The following COL5A1 variants were observed in gnomAD, a reference collection of about 807,000 sequenced individuals.
The protein encoded by COL5A1 is collagen alpha-1(V) chain.
Under a neutral mutation model 263.7 loss-of-function variants are expected in COL5A1, and 16 were observed. That is an observed-to-expected ratio of 0.06 (90% CI 0.04 to 0.09). The LOEUF (loss-of-function observed/expected upper bound fraction) is 0.09. Ranked by LOEUF, COL5A1 falls within the 10% of genes least tolerant of loss-of-function variation. The probability of loss-of-function intolerance (pLI) is 1.00; values close to 1 mark genes in which losing one functional copy is unlikely to be tolerated. For missense variants in COL5A1, 2,036 were observed against 2,540.5 expected, an observed-to-expected ratio of 0.80 and a Z score of 4.27; for synonymous variants, 1,012 against 1,004.5, an observed-to-expected ratio of 1.01 and a Z score of -0.14.
At chr9:134,653,786 A>C (rs1831778192) in intron 1 of COL5A1, among the ~76,000 whole-genome samples, 2 of 140,270 alleles carry the variant, frequency 1.4e-5, no homozygotes, top group Non-Finnish European at 3.1e-5. Context: ...CTGCAGGGTC[A>C]GGGGTCTCTC....
At chr9:134,721,430 T>TGGCACCCCA (rs1834452409) in intron 4 of COL5A1, among the ~76,000 whole-genome samples, 3 of 152,100 alleles carry the variant, frequency 2.0e-5, no homozygotes, top group Non-Finnish European at 4.4e-5. Flanking sequence ...ATGACTGTGT[T>TGGCACCCCA]TGGATCCCAT....
At chr9:134,830,102 T>G (rs770417840) in intron 64 of COL5A1, 58 bp downstream of exon 64, 2 of 1,613,288 alleles carry the variant, frequency 1.2e-6, no homozygotes, top group South Asian at 2.2e-5. Flanking sequence ...ATCTCGTATC[T>G]TACAGAGTAA....
At chr9:134,706,753 C>A (rs997442308) in intron 4 of COL5A1, among the ~76,000 whole-genome samples, 10 of 152,366 alleles carry the variant, frequency 6.6e-5, no homozygotes, top group Middle Eastern at 6.8e-3. Context: ...GCATTCTGTT[C>A]TCCTAGCCCT....
At chr9:134,809,890 G>A (rs34940706) in intron 43 of COL5A1, among the ~76,000 whole-genome samples, 5,825 of 152,246 alleles carry the variant, frequency 0.038, 139 homozygotes, top group Non-Finnish European at 0.057. Flanking sequence ...GCCTTGCACC[G>A]ACAGGAACAA....
chr9:134,840,731 C>T (rs2132939655), intron 65 of COL5A1, among the ~76,000 whole-genome samples: 1 of 152,308 alleles, frequency 6.6e-6, no homozygotes, highest in South Asian at 2.1e-4. Context: ...AAGGCAGGCT[C>T]TGGTGAGCTC....
At chr9:134,795,736 T>C (rs775185396) in intron 34 of COL5A1, among the ~76,000 whole-genome samples, 11 of 152,250 alleles carry the variant, frequency 7.2e-5, no homozygotes, top group Non-Finnish European at 1.5e-4. Context: ...CAGGCCGGCC[T>C]CATGCACATT....
chr9:134,710,259 T>C (rs1298986661), intron 4 of COL5A1, among the ~76,000 whole-genome samples: 1 of 152,238 alleles, frequency 6.6e-6, no homozygotes, highest in Non-Finnish European at 1.5e-5. Flanking sequence ...CAGGCTCTCC[T>C]GCCCGCGCGA....
chr9:134,776,555 C>A (rs771716947), intron 27 of COL5A1, among the ~76,000 whole-genome samples: 1 of 152,124 alleles, frequency 6.6e-6, no homozygotes, highest in African/African-American at 2.4e-5. Flanking sequence ...TGAGTGGTGT[C>A]GGCGCCTCAC....
intron 61 of COL5A1, among the ~76,000 whole-genome samples, 154 bp from the exon 62 acceptor site, chr9:134,824,446 A>C (rs1839166986): frequency 6.6e-6 from 1 of 152,190 alleles, no homozygotes; most frequent in African/African-American, 2.4e-5. Context: ...GAAGGGATGG[A>C]AACAGTTCTA....
intron 39 of COL5A1, among the ~76,000 whole-genome samples, chr9:134,804,379 A>G (rs1360573132): frequency 6.6e-6 from 1 of 152,196 alleles, no homozygotes; most frequent in Non-Finnish European, 1.5e-5. Flanking sequence ...ACTTTTTTTC[A>G]GAAAATGTGG....
chr9:134,759,189 G>T (rs1043104001), intron 18 of COL5A1, among the ~76,000 whole-genome samples: 1 of 151,530 alleles, frequency 6.6e-6, no homozygotes, highest in Non-Finnish European at 1.5e-5. Flanking sequence ...AGGCACATGA[G>T]TATGTGAGTG....
chr9:134,741,612 G>C lies in COL5A1; in HGVS notation c.1494+2804G>C, dbSNP rs1409150910. On this transcript the variant is annotated intron_variant, in intron 11 of 65. Coordinates refer to ENST00000371817, the MANE Select transcript of COL5A1 (RefSeq NM_000093.5). The surrounding 1 kb of genome is among the most constrained non-coding windows in gnomAD (Gnocchi z 4.5). ...CCTGGTACAGAAGCAGAGGCAGGAG[G>C]GTGGGGTGGGAGGAGGGGGTAATGC... Among the ~76,000 whole-genome samples the C allele has an allele frequency of 6.6e-6, 1 of 152,120 alleles. No individual in the cohort carries two copies. The highest frequency in any genetic ancestry group is 2.4e-5 in the African/African-American group (1 of 41,390).
chr9:134,727,769 G>T (rs1482499283), intron 5 of COL5A1, among the ~76,000 whole-genome samples: 1 of 152,166 alleles, frequency 6.6e-6, no homozygotes, highest in Non-Finnish European at 1.5e-5. Context: ...CGCCAAAGAG[G>T]ACGGAGCCTG....
intron 4 of COL5A1, among the ~76,000 whole-genome samples, chr9:134,723,702 G>A (rs953089073): frequency 6.6e-6 from 1 of 152,232 alleles, no homozygotes; most frequent in Non-Finnish European, 1.5e-5. Flanking sequence ...TGGATGGGGC[G>A]AGGCAGGGGC....
At chr9:134,828,147 C>T (rs1007411330) in intron 63 of COL5A1, among the ~76,000 whole-genome samples, 5 of 152,194 alleles carry the variant, frequency 3.3e-5, no homozygotes, top group African/African-American at 7.2e-5. Context: ...CTCAGGCAGC[C>T]GGGGCTCCCC....
At chr9:134,711,944 C>A (rs1464879158) in intron 4 of COL5A1, among the ~76,000 whole-genome samples, 2 of 151,648 alleles carry the variant, frequency 1.3e-5, no homozygotes, top group Non-Finnish European at 2.9e-5. Context: ...TCTGTGAGTG[C>A]CTGACAGGAA....
chr9:134,828,871 C>T (rs933135658), intron 63 of COL5A1, among the ~76,000 whole-genome samples: 2 of 151,260 alleles, frequency 1.3e-5, no homozygotes, highest in African/African-American at 4.9e-5. Context: ...ACACACCACA[C>T]ATCACACACA....
At chr9:134,770,776 T>C (rs555037795) in intron 25 of COL5A1, among the ~76,000 whole-genome samples, 1 of 152,198 alleles carries the variant, frequency 6.6e-6, no homozygotes, top group African/African-American at 2.4e-5. Flanking sequence ...TTATAGAATA[T>C]TGGGAAACAC....
chr9:134,819,085 G>T (rs1365286924), intron 57 of COL5A1, 32 bp downstream of exon 57: 1 of 1,608,740 alleles, frequency 6.2e-7, no homozygotes, highest in Non-Finnish European at 8.5e-7. Context: ...CAGCAACTGT[G>T]ACTCGGGGCC....
Sources: gnomAD v4.1 joint callset for allele counts (sites outside exome capture counted in the v4.1 genomes callset) on GRCh38, gnomAD v4.1.1 for gene constraint, Gnocchi (gnomAD v3.1) non-coding constraint, MANE v1.5 for transcripts, NCBI Gene and HGNC (gene_info 2026-07-23, HGNC 2026-07-21) for gene names.